The following FMC1 variants were observed in gnomAD, a reference collection of about 807,000 sequenced individuals.
FMC1 encodes formation of mitochondrial complex V assembly factor 1.
A neutral mutation model predicts 10.5 loss-of-function variants in FMC1; 6 were observed. The observed-to-expected ratio is 0.57, with a 90% CI of 0.31 to 1.12. The LOEUF is 1.12. Among genes scored for constraint, FMC1 ranks in the 50% most tolerant of loss-of-function variants. The pLI, the probability that FMC1 is intolerant of heterozygous loss-of-function variation, is 0.05. For missense variants in FMC1, 146 were observed against 151.7 expected, an observed-to-expected ratio of 0.96 and a Z score of 0.20; for synonymous variants, 59 against 62.1, an observed-to-expected ratio of 0.95 and a Z score of 0.24.
chr7:139,342,236 G>A (rs149446591), intron 1 of FMC1, among the ~76,000 whole-genome samples: 1,803 of 152,274 alleles, frequency 0.012, 19 homozygotes, highest in Middle Eastern at 0.037. Context: ...ATACAGTAAA[G>A]TACTGAGGAT....
chr7:139,344,695 CTTTTTT>C (rs1026301999), intron 1 of FMC1, among the ~76,000 whole-genome samples: 5 of 116,360 alleles, frequency 4.3e-5, no homozygotes, highest in Non-Finnish European at 7.0e-5. Context: ...AATTTTCTTT[CTTTTTT>C]TTTTTTTTTT....
chr7:139,342,183 A>C (rs1410068256), intron 1 of FMC1, among the ~76,000 whole-genome samples: 1 of 122,630 alleles, frequency 8.2e-6, no homozygotes, highest in Non-Finnish European at 1.5e-5. Context: ...TCAGATGCAC[A>C]TGTGTCCTGT....
chr7:139,340,619 G>T, upstream of FMC1: 1 of 396,968 alleles, frequency 2.5e-6, no homozygotes, highest in Non-Finnish European at 4.4e-6. Flanking sequence ...CGTGGGATAG[G>T]GTAAGGCGAA....
At chr7:139,341,308 T>G, upstream of FMC1, 3 of 1,537,848 alleles carry the variant, frequency 2.0e-6, no homozygotes, top group Non-Finnish European at 2.6e-6. Context: ...ACCGTACCAT[T>G]AGGCGCCTGG....
At chr7:139,341,602 T>A (rs1183282868) in intron 1 of FMC1, 80 bp downstream of exon 1, 2 of 1,548,288 alleles carry the variant, frequency 1.3e-6, no homozygotes, top group African/African-American at 2.7e-5. Context: ...GGGAGCACGG[T>A]GTTTAATTCC....
Position 139,345,876 on chromosome 7 carries a change from A to G in FMC1, c.*172A>G. The G allele has an allele frequency of 1.4e-6, 1 of 734,962 alleles. No individual in the cohort carries two copies. Among genetic ancestry groups the G allele is most frequent in the Non-Finnish European group, 2.0e-6 (1 of 492,982 alleles). 45.5% of individuals were successfully genotyped at this position (734,962 alleles called of 1,614,324 possible). Reference sequence around the variant, plus strand: ...ATCTTTACTCTCAGTGAATTTACTGAACTTTTTGCACTAGACTGATGTTGT... The same window carrying G: ...ATCTTTACTCTCAGTGAATTTACTGGACTTTTTGCACTAGACTGATGTTGT... On this transcript the variant is annotated 3_prime_UTR_variant, in exon 2 of 2. Transcript: ENST00000297534.
intron 1 of FMC1, among the ~76,000 whole-genome samples, chr7:139,344,508 T>C (rs1185833079): frequency 2.0e-5 from 3 of 152,132 alleles, no homozygotes; most frequent in Admixed American, 6.5e-5. Flanking sequence ...GATAATCCTT[T>C]TATTTTTTTC....
chr7:139,340,739 C>T (rs1023535123), upstream of FMC1: 1 of 381,186 alleles, frequency 2.6e-6, no homozygotes, highest in Non-Finnish European at 4.6e-6. Context: ...GCCTCCTAAG[C>T]CAGGGATTGT....
upstream of FMC1, chr7:139,341,189 T>G: frequency 1.0e-6 from 1 of 957,510 alleles, no homozygotes. Flanking sequence ...CGGGTTTCGT[T>G]TGATTTTGTT....
rs896684760 is a variant in FMC1 at position 139,342,346 on chromosome 7, A to C, written c.138+824A>C. On this transcript the variant is annotated intron_variant, in intron 1 of 1. Transcript: ENST00000297534. ...AAATTAATCAGGGACCTGAAGGCTA[A>C]TTTGGAGTTAGCAAGTAAATTGGGG... 2.6e-5 allele frequency among the ~76,000 whole-genome samples: 4 copies of C among 152,296 alleles called. No homozygotes were observed. The South Asian group carries it at 8.3e-4, about 32-fold the overall frequency.
At position 139,345,285 on chromosome 7, in the gene FMC1, A is replaced by G. The variant is rs572339823; in HGVS notation, c.139-216A>G. On this transcript the variant is annotated intron_variant, in intron 1 of 1. Transcript: ENST00000297534. ...TACTGACTGAATACAGGGACATTCA[A>G]TGCAACTCCTTTTAAAAATCCGAAC... 3.3e-5 allele frequency among the ~76,000 whole-genome samples: 5 copies of G among 152,282 alleles called. No homozygotes were observed. In the South Asian group the frequency reaches 6.2e-4, roughly 19 times the overall value.
chr7:139,341,349 C>T lies in FMC1; in HGVS notation c.-36C>T, dbSNP rs1489648528. 15 of 1,587,458 alleles carry T rather than the reference C, an allele frequency of 9.4e-6. No individual in the cohort carries two copies. The highest frequency in any genetic ancestry group is 2.3e-5 in the East Asian group (1 of 44,118). On this transcript the variant is annotated 5_prime_UTR_variant, in exon 1 of 2. It adds an upstream start codon to the 5' untranslated region. Transcript: ENST00000297534. ...AGGAGGGGTTTTCAGGGTCGTAGGACGCCGTTGGGCACCACGCTCGGAGAA... is the reference window on the plus strand; with the variant it reads ...AGGAGGGGTTTTCAGGGTCGTAGGATGCCGTTGGGCACCACGCTCGGAGAA...
At position 139,341,363 on chromosome 7, in the gene FMC1, A is replaced by C; in HGVS notation, c.-22A>C. The C allele has an allele frequency of 6.3e-7, 1 of 1,596,526 alleles. No individual in the cohort carries two copies. The highest frequency in any genetic ancestry group is 8.6e-7 in the Non-Finnish European group (1 of 1,167,164). ...GGGTCGTAGGACGCCGTTGGGCACC[A>C]CGCTCGGAGAAGGACAGGACAATGG... On this transcript the variant is annotated 5_prime_UTR_variant, in exon 1 of 2. Coordinates refer to ENST00000297534, the MANE Select transcript of FMC1 (RefSeq NM_197964.5).
intron 1 of FMC1, chr7:139,344,747 G>T (rs181342594): frequency 1.6e-5 from 2 of 125,622 alleles, no homozygotes; most frequent in Non-Finnish European, 3.1e-5. Context: ...CTGTTACCCA[G>T]ACTGGAGTGC....
At chr7:139,341,761 A>T (rs1798989343) in intron 1 of FMC1, among the ~76,000 whole-genome samples, 1 of 152,154 alleles carries the variant, frequency 6.6e-6, no homozygotes, top group South Asian at 2.1e-4. Context: ...CCTGTCCTGC[A>T]GAGGGGCGGA....
chr7:139,342,238 A>T (rs961272597), intron 1 of FMC1, among the ~76,000 whole-genome samples: 7 of 152,174 alleles, frequency 4.6e-5, no homozygotes, highest in Non-Finnish European at 1.5e-5. Flanking sequence ...ACAGTAAAGT[A>T]CTGAGGATAA....
upstream of FMC1, chr7:139,341,008 C>A: frequency 5.2e-6 from 1 of 193,440 alleles, no homozygotes; most frequent in South Asian, 1.4e-4. Context: ...AAAATGTCTT[C>A]TCAGCGTGTT....
At chr7:139,341,273 A>T, upstream of FMC1, 1 of 1,484,952 alleles carries the variant, frequency 6.7e-7, no homozygotes, top group South Asian at 1.3e-5. Context: ...TCGTCAGTCG[A>T]TAGGGGGAGT....
intron 1 of FMC1, among the ~76,000 whole-genome samples, chr7:139,344,695 CTTT>C (rs1026301999): frequency 0.15 from 16,980 of 113,666 alleles, 194 homozygotes; most frequent in Middle Eastern, 0.21. Context: ...AATTTTCTTT[CTTT>C]TTTTTTTTTT....
Sources: allele counts gnomAD v4.1 joint callset (sites outside exome capture counted in the v4.1 genomes callset), GRCh38; gene constraint gnomAD v4.1.1; transcripts MANE v1.5; gene names NCBI Gene and HGNC (gene_info 2026-07-23, HGNC 2026-07-21).